Variants in NRG1 observed in about 807,000 individuals in gnomAD.
NRG1 encodes pro-neuregulin-1, membrane-bound isoform.
Under a neutral mutation model 63.8 loss-of-function variants are expected in NRG1, and 18 were observed. The ratio of observed to expected loss-of-function variants is 0.28; its 90% CI spans 0.19 to 0.42. NRG1 has a LOEUF of 0.42. Ranked by LOEUF, NRG1 falls within the 10% of genes least tolerant of loss-of-function variation. The pLI is 1.00. For synonymous variants in NRG1, 302 were observed against 301.3 expected (o/e 1.00, Z -0.02); for missense variants, 762 against 814.7 (o/e 0.94, Z 0.79).
At chr8:32,473,978 C>G (rs1414362620) in intron 1 of NRG1, among the ~76,000 whole-genome samples, 2 of 152,198 alleles carry the variant, frequency 1.3e-5, no homozygotes, top group East Asian at 3.9e-4. Context: ...AGCCACTGAG[C>G]CCAGCCCCAC....
chr8:31,846,642 A>G (rs1228378773), intron 1 of NRG1, among the ~76,000 whole-genome samples: 3 of 152,234 alleles, frequency 2.0e-5, no homozygotes, highest in Non-Finnish European at 2.9e-5. Context: ...ATAATGTACA[A>G]TGGAATGTGT....
At chr8:31,659,209 C>CTAGA (rs1402500034) in intron 1 of NRG1, among the ~76,000 whole-genome samples, 1 of 152,160 alleles carries the variant, frequency 6.6e-6, no homozygotes, top group Non-Finnish European at 1.5e-5. Flanking sequence ...GGTTCCTTCA[C>CTAGA]TAGAACACCA....
intron 1 of NRG1, among the ~76,000 whole-genome samples, chr8:32,013,832 T>C (rs1208790097): frequency 6.6e-6 from 1 of 152,138 alleles, no homozygotes; most frequent in Non-Finnish European, 1.5e-5. Flanking sequence ...CTAATCCTAT[T>C]CCCTCCCTAT....
At chr8:31,872,529 C>CA (rs977991536) in intron 1 of NRG1, among the ~76,000 whole-genome samples, 4 of 152,024 alleles carry the variant, frequency 2.6e-5, no homozygotes, top group South Asian at 2.1e-4. Context: ...CTGTGGAATA[C>CA]AAAAAAATGA....
rs71208138 is a variant in NRG1 at position 31,691,594 on chromosome 8, C to CAAAAAAAAAAAA, written c.37+52179_37+52190dup. On this transcript the variant is annotated intron_variant, in intron 1 of 10. Coordinates refer to the NRG1 transcript ENST00000519301. Reference sequence around the variant, plus strand: ...TGGGTGACAGAGTGAGACTCTGTCTCAAAAAAAAAAAAAAAAAAAAAAAAA... The same window carrying CAAAAAAAAAAAA: ...TGGGTGACAGAGTGAGACTCTGTCTCAAAAAAAAAAAAAAAAAAAAAAAAAAAAAAAAAAAAA... 7.1e-4 allele frequency among the ~76,000 whole-genome samples: 25 copies of CAAAAAAAAAAAA among 34,992 alleles called. 2 individuals are homozygous for CAAAAAAAAAAAA. The highest frequency in any genetic ancestry group is 8.5e-4 in the Non-Finnish European group (19 of 22,316). The allele number at this position is 34,992 out of a possible 152,430, so 23.0% of individuals were successfully genotyped here.
chr8:32,548,883 C>A lies in NRG1; in HGVS notation c.100+57C>A. 3 of 1,497,070 alleles carry A rather than the reference C, an allele frequency of 2.0e-6. No individual in the cohort carries two copies. The South Asian group carries it at 3.8e-5, about 19-fold the overall frequency. 92.7% of individuals were successfully genotyped at this position (1,497,070 alleles called of 1,614,324 possible). ...TCCTCCTCCTGCTCCTCCTACTCCT[C>A]CTCCTCCTCGGATGCCGTGGCCTCT... On this transcript the variant is annotated intron_variant, in intron 1 of 11. Coordinates refer to ENST00000356819, the Ensembl canonical transcript of NRG1.
chr8:31,662,004 C>T (rs924365716), intron 1 of NRG1, among the ~76,000 whole-genome samples: 1 of 152,178 alleles, frequency 6.6e-6, no homozygotes, highest in East Asian at 1.9e-4. Context: ...TGAAAAGAGT[C>T]ATTTAAGGAT....
At chr8:32,666,494 G>A (rs530962994) in intron 5 of NRG1, among the ~76,000 whole-genome samples, 2 of 151,922 alleles carry the variant, frequency 1.3e-5, no homozygotes, top group African/African-American at 4.8e-5. Flanking sequence ...TCAAGAGGGG[G>A]AAAAAAAAGA....
chr8:31,941,140 A>T (rs893192898), intron 1 of NRG1, among the ~76,000 whole-genome samples: 2 of 152,172 alleles, frequency 1.3e-5, no homozygotes, highest in Admixed American at 1.3e-4. Context: ...TAGATGCAAA[A>T]ATCCTCAATA....
intron 1 of NRG1, among the ~76,000 whole-genome samples, chr8:31,976,585 T>C (rs1432112342): frequency 1.3e-5 from 2 of 152,136 alleles, no homozygotes; most frequent in African/African-American, 4.8e-5. Context: ...TTTCCAACTT[T>C]ATTACCTTTC....
rs568669240 is a variant in NRG1 at position 31,781,741 on chromosome 8, G to A, written c.37+142310G>A. ...TTATTATTTAACTCCAGTTTAGTAT[G>A]TTTCCTGCCAAGTATGTGCCAGACC... On this transcript the variant is annotated intron_variant, in intron 1 of 10. Transcript: ENST00000519301. Among the ~76,000 whole-genome samples the A allele has an allele frequency of 2.9e-3, 440 of 152,140 alleles. 3 individuals carry two copies. Among genetic ancestry groups the A allele is most frequent in the Non-Finnish European group, 5.5e-3 (373 of 67,980 alleles).
rs978978297 is a variant in NRG1, at chr8:31,699,197, C to G, written c.37+59766C>G. Among the ~76,000 whole-genome samples the G allele has an allele frequency of 2.1e-4, 3 of 14,302 alleles. No homozygotes were observed. In the Non-Finnish European group the frequency reaches 0.014, roughly 66 times the overall value. 9.4% of individuals were successfully genotyped at this position (14,302 alleles called of 152,430 possible). A position where few individuals can be genotyped will look rare whatever the true frequency, so the allele number is the denominator to read the frequency against. On this transcript the variant is annotated intron_variant, in intron 1 of 10. Coordinates refer to the NRG1 transcript ENST00000519301. The stretch of plus-strand genomic sequence containing the variant: ...CTAAAATGGGGTTCTGAGTTAATAA[C>G]ATTTTTTTCCTCATTATAAAAATTC...
intron 1 of NRG1, among the ~76,000 whole-genome samples, chr8:32,220,139 C>A (rs1186157512): frequency 6.6e-6 from 1 of 152,082 alleles, no homozygotes; most frequent in Non-Finnish European, 1.5e-5. Flanking sequence ...GGACTATTAA[C>A]ACATCATATT....
At chr8:31,907,617 G>A (rs1832634076) in intron 1 of NRG1, among the ~76,000 whole-genome samples, 1 of 152,054 alleles carries the variant, frequency 6.6e-6, no homozygotes, top group African/African-American at 2.4e-5. Context: ...TGTTAATAGT[G>A]AATAGGTTTT....
chr8:31,997,344 T>C (rs892411577), intron 1 of NRG1, among the ~76,000 whole-genome samples: 30 of 152,090 alleles, frequency 2.0e-4, no homozygotes, highest in African/African-American at 5.8e-4. Flanking sequence ...TAGATATTAA[T>C]AGTAGAAGTA....
chr8:32,257,742 GA>G (rs1849894718), intron 1 of NRG1, among the ~76,000 whole-genome samples: 1 of 152,108 alleles, frequency 6.6e-6, no homozygotes, highest in African/African-American at 2.4e-5. Flanking sequence ...GGGGCAGGGC[GA>G]CCCACTTCCT....
At chr8:31,665,795 C>T (rs972075428) in intron 1 of NRG1, among the ~76,000 whole-genome samples, 3 of 152,092 alleles carry the variant, frequency 2.0e-5, no homozygotes, top group Non-Finnish European at 4.4e-5. Flanking sequence ...TGCGATATGA[C>T]CCAGGGCTCT....
chr8:32,040,750 C>CATATATGTGTATATATATAT (rs1819864113), intron 1 of NRG1, among the ~76,000 whole-genome samples: 3 of 48,684 alleles, frequency 6.2e-5, no homozygotes, highest in Admixed American at 3.2e-4. Flanking sequence ...AATTTAGGCG[C>CATATATGTGTATATATATAT]ATATATATAT....
At chr8:32,063,188 A>G (rs1381866) in intron 1 of NRG1, 93,341 of 151,856 alleles carry the variant, frequency 0.61, 30,066 homozygotes, top group Non-Finnish European at 0.71. Flanking sequence ...TTGATTAAGA[A>G]CATTGAAGGT....
Sources: gnomAD v4.1 joint callset for allele counts (sites outside exome capture counted in the v4.1 genomes callset) on GRCh38, gnomAD v4.1.1 for gene constraint, MANE v1.5 for transcripts, NCBI Gene and HGNC (gene_info 2026-07-23, HGNC 2026-07-21) for gene names.